The following CNTNAP3 variants were observed in gnomAD, a reference collection of about 807,000 sequenced individuals.
The protein encoded by CNTNAP3 is contactin-associated protein-like 3.
In CNTNAP3, 36 loss-of-function variants were observed where a neutral mutation model predicts 92.1. The ratio of observed to expected loss-of-function variants is 0.39; its 90% CI spans 0.30 to 0.52. The LOEUF (loss-of-function observed/expected upper bound fraction) is 0.52. Among genes scored for constraint, CNTNAP3 ranks in the 20% least tolerant of loss-of-function variants. The pLI is 0.76. For synonymous variants in CNTNAP3, 232 were observed against 422.3 expected (o/e 0.55, Z 5.53); for missense variants, 534 against 1,069.6 (o/e 0.50, Z 6.98).
At chr9:39,093,933 T>G (rs1826271587) in intron 18 of CNTNAP3, among the ~76,000 whole-genome samples, 1 of 151,324 alleles carries the variant, frequency 6.6e-6, no homozygotes, top group African/African-American at 2.4e-5. Flanking sequence ...TTGAGTTAAC[T>G]CTAAATCAAT....
chr9:39,145,162 T>C (rs1821669188), intron 10 of CNTNAP3, among the ~76,000 whole-genome samples: 1 of 138,558 alleles, frequency 7.2e-6, no homozygotes, highest in South Asian at 2.4e-4. Flanking sequence ...CAGGGTACAC[T>C]ATGGAAACTG....
rs1289343216 is a variant in CNTNAP3, at chr9:39,071,438, A to G, written c.*2452T>C. On this transcript the variant is annotated 3_prime_UTR_variant, in exon 24 of 24. Transcript: ENST00000297668. Reference sequence around the variant, plus strand: ...ATAAGCCTTCAATGTCACATGAACCACTCTATTTTTAATATTAGAATTCTG... The same window carrying G: ...ATAAGCCTTCAATGTCACATGAACCGCTCTATTTTTAATATTAGAATTCTG... Among the ~76,000 whole-genome samples, 1 of 151,718 alleles carries G rather than the reference A, an allele frequency of 6.6e-6. No homozygotes were observed. Among genetic ancestry groups the G allele is most frequent in the South Asian group, 2.1e-4 (1 of 4,794 alleles).
In CNTNAP3 at chr9:39,082,222, G is replaced by A. The variant is rs562611862; in HGVS notation, c.3443-3302C>T. On this transcript the variant is annotated intron_variant, in intron 21 of 23. Transcript: ENST00000297668. Reference sequence around the variant, plus strand: ...AGTGAGTCTGGGGACTACCACATAGGACAGCACAGACTTTACACGTTTTCA... The same window carrying A: ...AGTGAGTCTGGGGACTACCACATAGAACAGCACAGACTTTACACGTTTTCA... Among the ~76,000 whole-genome samples the A allele has an allele frequency of 2.0e-5, 3 of 151,940 alleles. No homozygotes were observed. In the South Asian group the frequency reaches 6.2e-4, roughly 32 times the overall value.
intron 17 of CNTNAP3, 21 bp from the exon 18 acceptor site, chr9:39,100,171 A>G (rs1826423287): frequency 3.9e-6 from 6 of 1,543,242 alleles, no homozygotes; most frequent in Non-Finnish European, 5.3e-6. Flanking sequence ...AACACTGCAA[A>G]TAGAAATGTG....
intron 13 of CNTNAP3, among the ~76,000 whole-genome samples, chr9:39,127,152 C>A (rs968871734): frequency 1.8e-4 from 27 of 151,778 alleles, no homozygotes; most frequent in Admixed American, 1.3e-4. Flanking sequence ...AAATACACTT[C>A]TAAATAAGCT....
chr9:39,121,328 A>G (rs952539318), intron 13 of CNTNAP3, among the ~76,000 whole-genome samples: 1 of 152,178 alleles, frequency 6.6e-6, no homozygotes, highest in Non-Finnish European at 1.5e-5. Flanking sequence ...TTTAAAAAAA[A>G]TCACCAGGAA....
At chr9:39,119,355 CA>C (rs35344011) in intron 13 of CNTNAP3, among the ~76,000 whole-genome samples, 269 of 101,254 alleles carry the variant, frequency 2.7e-3, no homozygotes, top group East Asian at 0.019. Flanking sequence ...GCCCCTCTGC[CA>C]AAAAAAAAAA....
Position 39,149,362 on chromosome 9 carries a change from T to G in CNTNAP3, c.1649+444A>C, listed in dbSNP as rs182599516. Reference sequence around the variant, plus strand: ...AGATGCAGTTTTTGTTTTTGTTTTTTTTTTTGAGACGCAGTCTCGCTCTGT... The same window carrying G: ...AGATGCAGTTTTTGTTTTTGTTTTTGTTTTTGAGACGCAGTCTCGCTCTGT... On this transcript the variant is annotated intron_variant, in intron 10 of 23. Coordinates refer to ENST00000297668, the MANE Select transcript of CNTNAP3 (RefSeq NM_033655.5). 6.4e-3 allele frequency among the ~76,000 whole-genome samples: 980 copies of G among 152,214 alleles called. 8 individuals are homozygous for G. Among genetic ancestry groups the G allele is most frequent in the South Asian group, 0.011 (52 of 4,822 alleles).
At chr9:39,143,137 A>G (rs1821616086) in intron 11 of CNTNAP3, among the ~76,000 whole-genome samples, 1 of 150,126 alleles carries the variant, frequency 6.7e-6, no homozygotes, top group South Asian at 2.1e-4. Flanking sequence ...ATAACAGGTT[A>G]GAGGTCAATA....
At chr9:39,143,307 G>A (rs1021462545) in intron 11 of CNTNAP3, among the ~76,000 whole-genome samples, 12 of 152,140 alleles carry the variant, frequency 7.9e-5, no homozygotes, top group African/African-American at 2.9e-4. Flanking sequence ...TTGGTTACAA[G>A]AGACTCGGGG....
chr9:39,196,291 CAGAA>C (rs1008739756), intron 3 of CNTNAP3, among the ~76,000 whole-genome samples: 2 of 6,858 alleles, frequency 2.9e-4, no homozygotes, highest in Admixed American at 6.1e-3. Flanking sequence ...CCACTACGGA[CAGAA>C]AGAATGGCGA....
At chr9:39,114,081 CTTTTTTTTTT>C (rs963951891) in intron 14 of CNTNAP3, among the ~76,000 whole-genome samples, 4 of 130,302 alleles carry the variant, frequency 3.1e-5, no homozygotes, top group African/African-American at 1.2e-4. Flanking sequence ...CACACACATA[CTTTTTTTTTT>C]TTTTTTTTTG....
intron 18 of CNTNAP3, 37 bp downstream of exon 18, chr9:39,099,874 G>T (rs1286262973): frequency 2.5e-6 from 4 of 1,600,900 alleles, no homozygotes; most frequent in Non-Finnish European, 2.6e-6. Flanking sequence ...TAAGTTTCAT[G>T]TACTTTCCCT....
At chr9:39,096,307 C>T (rs916202192) in intron 18 of CNTNAP3, among the ~76,000 whole-genome samples, 1 of 143,168 alleles carries the variant, frequency 7.0e-6, no homozygotes, top group African/African-American at 2.5e-5. Flanking sequence ...GGTTATATCC[C>T]TTCAACCTGA....
chr9:39,118,289 C>T lies in CNTNAP3; in HGVS notation c.2081-30G>A, dbSNP rs772151528. The T allele has an allele frequency of 1.9e-6, 3 of 1,612,854 alleles. No homozygotes were observed. In the South Asian group the frequency reaches 3.3e-5, roughly 18 times the overall value. On this transcript the variant is annotated intron_variant, in intron 13 of 23. Coordinates refer to ENST00000297668, the MANE Select transcript of CNTNAP3 (RefSeq NM_033655.5). The stretch of plus-strand genomic sequence containing the variant: ...AAGACAAGTATAAGAAACATGACAT[C>T]TACTTTGTCCCTCACTACCACCCTC...
chr9:39,146,632 T>C (rs954131954), intron 10 of CNTNAP3, among the ~76,000 whole-genome samples: 1 of 152,110 alleles, frequency 6.6e-6, no homozygotes, highest in African/African-American at 2.4e-5. Context: ...GAGCTTGCAG[T>C]GAGCCGAGAT....
intron 9 of CNTNAP3, among the ~76,000 whole-genome samples, chr9:39,151,783 C>A (rs1431571665): frequency 6.8e-6 from 1 of 146,058 alleles, no homozygotes; most frequent in Admixed American, 6.8e-5. Flanking sequence ...AAAATTTTAT[C>A]CTTTGCCTTA....
Position 39,174,363 on chromosome 9 carries a change from A to G in CNTNAP3, c.1071+1586T>C, listed in dbSNP as rs1201351336. The stretch of plus-strand genomic sequence containing the variant: ...GGGTGCTGTTCATAGTAAAACTTAG[A>G]CTTCAAACCCATCTTTTTTTTTTTT... On this transcript the variant is annotated intron_variant, in intron 7 of 23. Coordinates refer to ENST00000297668, the MANE Select transcript of CNTNAP3 (RefSeq NM_033655.5). 6.6e-6 allele frequency: 4 copies of G among 605,716 alleles called. No individual in the cohort carries two copies. The East Asian group carries it at 1.2e-4, about 18-fold the overall frequency. The allele number at this position is 605,716 out of a possible 1,614,324, so 37.5% of individuals were successfully genotyped here.
chr9:39,147,013 C>G (rs1587732084), intron 10 of CNTNAP3, among the ~76,000 whole-genome samples: 1 of 152,098 alleles, frequency 6.6e-6, no homozygotes. Flanking sequence ...GCAGATCTTT[C>G]TCATGCTGTT....
Sources: gnomAD v4.1 joint callset for allele counts (sites outside exome capture counted in the v4.1 genomes callset) on GRCh38, gnomAD v4.1.1 for gene constraint, MANE v1.5 for transcripts, NCBI Gene and HGNC (gene_info 2026-07-23, HGNC 2026-07-21) for gene names.